Variants in PSMA1 observed in about 807,000 individuals in gnomAD.
PSMA1 encodes proteasome subunit alpha type-1.
PSMA1 carries 3 observed loss-of-function variants against 38.4 expected under a neutral mutation model. The observed-to-expected ratio is 0.08, with a 90% CI of 0.04 to 0.20. PSMA1 has a LOEUF of 0.20. Ranked by LOEUF, PSMA1 falls within the 10% of genes least tolerant of loss-of-function variation. The pLI is 1.00. For synonymous variants in PSMA1, 101 were observed against 107.1 expected, an observed-to-expected ratio of 0.94 and a Z score of 0.35; for missense variants, 227 against 325.3, an observed-to-expected ratio of 0.70 and a Z score of 2.32.
intron 1 of PSMA1, among the ~76,000 whole-genome samples, chr11:14,636,090 A>G (rs575870433): frequency 3.3e-4 from 50 of 152,214 alleles, no homozygotes; most frequent in Non-Finnish European, 6.8e-4. Flanking sequence ...TAAAACTAAC[A>G]AAGAAATGAT....
At chr11:14,532,987 T>C (rs1243513541) in intron 2 of PSMA1, among the ~76,000 whole-genome samples, 1 of 152,238 alleles carries the variant, frequency 6.6e-6, no homozygotes. Flanking sequence ...CTTACTGTGT[T>C]TTTTCCCCTT....
intron 2 of PSMA1, among the ~76,000 whole-genome samples, chr11:14,590,981 C>A (rs1188093317): frequency 1.3e-5 from 2 of 152,274 alleles, no homozygotes; most frequent in African/African-American, 2.4e-5. Context: ...CTTGAGGAGC[C>A]CTTCAGCCCA....
intron 1 of PSMA1, among the ~76,000 whole-genome samples, chr11:14,617,910 G>A (rs554206016): frequency 6.6e-6 from 1 of 152,068 alleles, no homozygotes; most frequent in African/African-American, 2.4e-5. Context: ...ATGGGCTTTG[G>A]TGTCAACCTG....
intron 1 of PSMA1, among the ~76,000 whole-genome samples, chr11:14,630,929 C>G (rs1423100462): frequency 1.3e-5 from 2 of 152,130 alleles, no homozygotes; most frequent in Non-Finnish European, 2.9e-5. Flanking sequence ...TCCATTTCTT[C>G]TAGATTTTCT....
chr11:14,530,421 G>T (rs1256915975), intron 2 of PSMA1, among the ~76,000 whole-genome samples: 1 of 152,088 alleles, frequency 6.6e-6, no homozygotes, highest in Non-Finnish European at 1.5e-5. Flanking sequence ...CTTTCTTGGA[G>T]CCTCAGCCAA....
chr11:14,643,424 G>C (rs1478510024), intron 1 of PSMA1: 1 of 151,936 alleles, frequency 6.6e-6, no homozygotes, highest in Non-Finnish European at 1.5e-5. Flanking sequence ...GTAGTGACCT[G>C]TGGGATTCTG....
chr11:14,624,455 C>A (rs1298469029), intron 1 of PSMA1, among the ~76,000 whole-genome samples: 1 of 152,148 alleles, frequency 6.6e-6, no homozygotes, highest in Non-Finnish European at 1.5e-5. Flanking sequence ...TCAGGACTAG[C>A]CCTATCTACC....
intron 1 of PSMA1, among the ~76,000 whole-genome samples, chr11:14,627,948 C>T (rs1428260478): frequency 3.3e-5 from 5 of 152,084 alleles, no homozygotes; most frequent in African/African-American, 1.2e-4. Context: ...GATCCTCAAC[C>T]CCCACACTGG....
chr11:14,632,399 A>T (rs1853032458), intron 1 of PSMA1, among the ~76,000 whole-genome samples: 1 of 144,838 alleles, frequency 6.9e-6, no homozygotes, highest in Admixed American at 6.8e-5. Context: ...TTGTCTGTAA[A>T]GTATTTTATT....
intron 2 of PSMA1, among the ~76,000 whole-genome samples, chr11:14,571,567 C>T (rs7952211): frequency 0.15 from 22,431 of 152,118 alleles, 2,505 homozygotes; most frequent in African/African-American, 0.31. Context: ...ACATGCCAAA[C>T]TGTGAAGACC....
chr11:14,617,133 C>A (rs1234499183), intron 1 of PSMA1, among the ~76,000 whole-genome samples: 2 of 152,016 alleles, frequency 1.3e-5, no homozygotes, highest in Non-Finnish European at 2.9e-5. Flanking sequence ...GTGTTGCATG[C>A]CCACTTTCTT....
chr11:14,507,063 G>C (rs112296502), intron 9 of PSMA1, among the ~76,000 whole-genome samples: 3,243 of 152,306 alleles, frequency 0.021, 52 homozygotes, highest in South Asian at 0.035. Flanking sequence ...GCCCCAGTCA[G>C]CCGCAAAATT....
At chr11:14,532,203 G>A (rs186153474) in intron 2 of PSMA1, among the ~76,000 whole-genome samples, 2 of 151,972 alleles carry the variant, frequency 1.3e-5, no homozygotes, top group African/African-American at 4.8e-5. Context: ...TAAAACAGCT[G>A]GAAAATAGAA....
At chr11:14,604,809 G>A (rs765921309) in intron 2 of PSMA1, among the ~76,000 whole-genome samples, 31 of 152,170 alleles carry the variant, frequency 2.0e-4, no homozygotes, top group Non-Finnish European at 3.5e-4. Flanking sequence ...GTGAGAACAT[G>A]TGGTAATTGG....
intron 2 of PSMA1, 52 bp from the exon 3 acceptor site, chr11:14,518,033 T>G: frequency 7.5e-7 from 1 of 1,337,202 alleles, no homozygotes; most frequent in Non-Finnish European, 1.0e-6. Flanking sequence ...TTTTATAAAT[T>G]AAAAATTAGG....
chr11:14,537,711 C>CAT (rs1554968453), intron 2 of PSMA1, among the ~76,000 whole-genome samples: 11 of 138,390 alleles, frequency 7.9e-5, no homozygotes, highest in African/African-American at 2.9e-4. Context: ...TAAAATTACC[C>CAT]TTTTTTTTTT....
At chr11:14,569,693 G>A (rs545149130) in intron 2 of PSMA1, among the ~76,000 whole-genome samples, 1 of 152,320 alleles carries the variant, frequency 6.6e-6, no homozygotes, top group East Asian at 1.9e-4. Flanking sequence ...GCTTGAGTAG[G>A]CAAACAAAGC....
intron 2 of PSMA1, among the ~76,000 whole-genome samples, chr11:14,574,380 G>T (rs970645587): frequency 6.6e-6 from 1 of 152,206 alleles, no homozygotes; most frequent in African/African-American, 2.4e-5. Context: ...TTGGGCTGCT[G>T]CTTCAGAAGG....
At chr11:14,546,062 G>A (rs1249890971) in intron 2 of PSMA1, among the ~76,000 whole-genome samples, 1 of 152,096 alleles carries the variant, frequency 6.6e-6, no homozygotes, top group Non-Finnish European at 1.5e-5. Flanking sequence ...TTTGTAAAGA[G>A]AGTTAGTGAA....
Sources: gnomAD v4.1 joint callset for allele counts (sites outside exome capture counted in the v4.1 genomes callset) on GRCh38, gnomAD v4.1.1 for gene constraint, MANE v1.5 for transcripts, NCBI Gene and HGNC (gene_info 2026-07-23, HGNC 2026-07-21) for gene names.